RCAN1: variants seen among roughly 807,000 people sequenced by gnomAD.
RCAN1 encodes the protein regulator of calcineurin 1, also known as calcipressin-1.
A neutral mutation model predicts 22.9 loss-of-function variants in RCAN1; 11 were observed. The observed-to-expected ratio is 0.48, with a 90% CI of 0.30 to 0.79. RCAN1 has a LOEUF of 0.79. Ranked by LOEUF, RCAN1 falls within the 30% of genes least tolerant of loss-of-function variation. RCAN1 has a pLI of 0.06. For synonymous variants in RCAN1, 136 were observed against 142.3 expected, an observed-to-expected ratio of 0.96 and a Z score of 0.32; for missense variants, 291 against 337.8, an observed-to-expected ratio of 0.86 and a Z score of 1.09.
chr21:34,533,053 C>T (rs898435915), intron 1 of RCAN1, among the ~76,000 whole-genome samples: 60 of 151,754 alleles, frequency 4.0e-4, no homozygotes, highest in South Asian at 4.2e-4. Flanking sequence ...CTCCGCCTCC[C>T]GGGTTCACGC....
intron 2 of RCAN1, 53 bp downstream of exon 2, chr21:34,523,484 A>C: frequency 1.3e-6 from 2 of 1,579,046 alleles, no homozygotes; most frequent in Non-Finnish European, 1.7e-6. Flanking sequence ...GCTGCTTTAC[A>C]AAAGGGAGGG....
rs59150851 is a variant in RCAN1, at chr21:34,530,616, G to GTTT, written c.253-6909_253-6907dup. Among the ~76,000 whole-genome samples the GTTT allele has an allele frequency of 6.8e-3, 453 of 66,146 alleles. 22 individuals carry two copies. The highest frequency in any genetic ancestry group is 0.026 in the East Asian group (44 of 1,714). The allele number at this position is 66,146 out of a possible 152,430, so 43.4% of individuals were successfully genotyped here. The stretch of plus-strand genomic sequence containing the variant: ...TTTTTGCTTCTAAGATAGTGAAATA[G>GTTT]TTTTTTTTTTTTTTTTTTTTTTTTT... On this transcript the variant is annotated intron_variant, in intron 1 of 3. Transcript: ENST00000313806.
chr21:34,575,407 A>C (rs1246128980), intron 1 of RCAN1, among the ~76,000 whole-genome samples: 1 of 152,178 alleles, frequency 6.6e-6, no homozygotes, highest in Non-Finnish European at 1.5e-5. Flanking sequence ...ACTATGGCTG[A>C]GACGGTCTTA....
At chr21:34,529,424 C>A (rs940566989) in intron 1 of RCAN1, among the ~76,000 whole-genome samples, 6 of 152,188 alleles carry the variant, frequency 3.9e-5, no homozygotes, top group Non-Finnish European at 7.3e-5. Flanking sequence ...TGTCCCTGTA[C>A]CCATAGGGTA....
At chr21:34,570,600 T>C (rs1987199249) in intron 1 of RCAN1, among the ~76,000 whole-genome samples, 1 of 152,188 alleles carries the variant, frequency 6.6e-6, no homozygotes, top group Non-Finnish European at 1.5e-5. Flanking sequence ...AGAACACTTT[T>C]TTCTGCTGAT....
At chr21:34,600,783 A>C (rs1462373984) in intron 1 of RCAN1, among the ~76,000 whole-genome samples, 2 of 152,260 alleles carry the variant, frequency 1.3e-5, no homozygotes, top group East Asian at 3.8e-4. Context: ...ACATCCTTTT[A>C]GCAAAGTCTC....
At chr21:34,539,757 G>C (rs1391429636) in intron 1 of RCAN1, among the ~76,000 whole-genome samples, 2 of 152,164 alleles carry the variant, frequency 1.3e-5, no homozygotes, top group Admixed American at 1.3e-4. Flanking sequence ...CTCTAAACCT[G>C]CTCATTTTAA....
At chr21:34,556,049 C>T (rs996544531) in intron 1 of RCAN1, among the ~76,000 whole-genome samples, 45 of 100,148 alleles carry the variant, frequency 4.5e-4, no homozygotes, top group South Asian at 1.3e-3. Flanking sequence ...GGCAACAGAG[C>T]GAGACTCCAT....
chr21:34,525,488 C>T, intron 1 of RCAN1: 1 of 1,125,874 alleles, frequency 8.9e-7, no homozygotes, highest in Non-Finnish European at 1.2e-6. Flanking sequence ...TGTCTTCGTA[C>T]ATTTGGAATT....
chr21:34,608,915 T>C (rs1162254479), intron 1 of RCAN1, among the ~76,000 whole-genome samples: 2 of 152,172 alleles, frequency 1.3e-5, no homozygotes, highest in Non-Finnish European at 2.9e-5. Flanking sequence ...TTAAGACCCA[T>C]AGCCTTAACC....
At chr21:34,586,309 A>C (rs1987793962) in intron 1 of RCAN1, among the ~76,000 whole-genome samples, 1 of 152,222 alleles carries the variant, frequency 6.6e-6, no homozygotes, top group Admixed American at 6.5e-5. Flanking sequence ...TTGAGCTACA[A>C]AGCAAGTCTG....
intron 1 of RCAN1, chr21:34,559,266 C>G (rs1468157806): frequency 2.0e-5 from 3 of 152,182 alleles, no homozygotes; most frequent in Non-Finnish European, 4.4e-5. Flanking sequence ...CAATCTGTGA[C>G]TGATTCACAG....
intron 1 of RCAN1, among the ~76,000 whole-genome samples, chr21:34,554,037 A>C (rs1211354856): frequency 1.3e-5 from 2 of 152,234 alleles, no homozygotes; most frequent in African/African-American, 4.8e-5. Flanking sequence ...ATTTTAAGGA[A>C]GATAAATGCT....
At chr21:34,583,912 A>G (rs1987706460) in intron 1 of RCAN1, among the ~76,000 whole-genome samples, 1 of 152,196 alleles carries the variant, frequency 6.6e-6, no homozygotes, top group South Asian at 2.1e-4. Context: ...ACATACACAC[A>G]CACACAATTT....
At chr21:34,557,294 G>A (rs979726587) in intron 1 of RCAN1, among the ~76,000 whole-genome samples, 3 of 152,148 alleles carry the variant, frequency 2.0e-5, no homozygotes, top group Admixed American at 6.5e-5. Flanking sequence ...ATGTCCATTC[G>A]GCTAGATAAG....
At chr21:34,525,156 T>C (rs1424406504) in intron 1 of RCAN1, 1 of 1,550,114 alleles carries the variant, frequency 6.5e-7, no homozygotes, top group Non-Finnish European at 8.7e-7. Flanking sequence ...GAGAGGAGAG[T>C]GTCTTCAGGA....
At chr21:34,526,875 T>C (rs1482980137) in intron 1 of RCAN1, 2 of 1,449,612 alleles carry the variant, frequency 1.4e-6, no homozygotes, top group African/African-American at 1.5e-5. Context: ...CAGCCCCCAC[T>C]CCCTGGGGAA....
At chr21:34,576,467 G>A (rs893169863) in intron 1 of RCAN1, among the ~76,000 whole-genome samples, 1 of 152,164 alleles carries the variant, frequency 6.6e-6, no homozygotes, top group Non-Finnish European at 1.5e-5. Context: ...GTGTGGGGTG[G>A]GTGGCTGTGA....
chr21:34,546,195 A>G (rs923288221), intron 1 of RCAN1, among the ~76,000 whole-genome samples: 1 of 152,228 alleles, frequency 6.6e-6, no homozygotes, highest in African/African-American at 2.4e-5. Flanking sequence ...ATGGCGAGAA[A>G]TCACGTCAGG....
Sources: allele counts gnomAD v4.1 joint callset (sites outside exome capture counted in the v4.1 genomes callset), GRCh38; gene constraint gnomAD v4.1.1; transcripts MANE v1.5; gene names NCBI Gene and HGNC (gene_info 2026-07-23, HGNC 2026-07-21).